The following CIP2A variants were observed in gnomAD, a reference collection of about 807,000 sequenced individuals.
CIP2A encodes the protein cellular inhibitor of PP2A, also known as protein CIP2A.
CIP2A carries 103 observed loss-of-function variants against 110.9 expected under a neutral mutation model. That is an observed-to-expected ratio of 0.93 (90% CI 0.79 to 1.09). The LOEUF is 1.09. Ranked by LOEUF, CIP2A falls within the 50% of genes least tolerant of loss-of-function variation. The pLI is 0.00. For missense variants in CIP2A, 1,088 were observed against 1,038.4 expected (o/e 1.05, Z -0.66); for synonymous variants, 381 against 361.6 (o/e 1.05, Z -0.61).
chr3:108,557,804 C>T (rs1004009700), intron 16 of CIP2A, among the ~76,000 whole-genome samples: 10 of 152,086 alleles, frequency 6.6e-5, no homozygotes, highest in Non-Finnish European at 1.0e-4. Flanking sequence ...AAAATCTTAA[C>T]GACATCACAG....
chr3:108,575,938 GTATA>G (rs1293345204), intron 8 of CIP2A, among the ~76,000 whole-genome samples: 1 of 147,936 alleles, frequency 6.8e-6, no homozygotes, highest in Non-Finnish European at 1.5e-5. Flanking sequence ...ATACATATAC[GTATA>G]TATACATATA....
chr3:108,589,173 G>C, intron 1 of CIP2A, 101 bp downstream of exon 1: 1 of 817,400 alleles, frequency 1.2e-6, no homozygotes, highest in Non-Finnish European at 2.0e-6. Flanking sequence ...TCGAAGGACT[G>C]TCCTTTCTTT....
chr3:108,566,548 T>C lies in CIP2A; in HGVS notation c.1364A>G (p.Tyr455Cys). 6.2e-7 allele frequency: 1 copy of C among 1,608,346 alleles called. No individual in the cohort carries two copies. Among genetic ancestry groups the C allele is most frequent in the Non-Finnish European group, 8.5e-7 (1 of 1,176,966 alleles). The change falls in exon 11 of 21, where the codon TAT (tyrosine) becomes TGT (cysteine). Residue 455 changes from tyrosine (Y) to cysteine (C), a missense_variant. By Grantham distance (194) the Tyr-to-Cys change is radical. Transcript: ENST00000295746. ...TCCAAATCCCAGGTCAATCTTGCCA[T>C]ATGTAAATTGTTGTTCTATAAGAGT... is the stretch of plus-strand genomic sequence containing the variant. ...CTTLIEQQFT[Y>C]GKIDLGFGTK... is the part of the protein sequence containing the mutation.
chr3:108,569,552 G>C lies in CIP2A; in HGVS notation c.950C>G (p.Thr317Ser). 6.2e-7 allele frequency: 1 copy of C among 1,612,780 alleles called. No homozygotes were observed. Among genetic ancestry groups the C allele is most frequent in the Non-Finnish European group, 8.5e-7 (1 of 1,179,278 alleles). ...TGGAGACTGTTCAAACATCATCTGA[G>C]TGAGCATATGGCGCAGCTGAGTCAC... Reference protein sequence around the residue: ...CSVTQLRHMLTQMMFEQSPPG... With the variant: ...CSVTQLRHMLSQMMFEQSPPG... The change falls in exon 9 of 21, where the codon ACT (threonine) becomes AGT (serine). Residue 317 changes from threonine to serine, a missense_variant. Thr to Ser is a moderately conservative substitution (Grantham distance 58). Transcript: ENST00000295746.
intron 16 of CIP2A, 111 bp downstream of exon 16, chr3:108,559,646 A>G (rs1937930047): frequency 1.9e-6 from 1 of 526,784 alleles, no homozygotes; most frequent in African/African-American, 2.0e-5. Context: ...AGGCATGTCA[A>G]ATGCTAAGGA....
chr3:108,569,306 G>T, intron 9 of CIP2A, 83 bp downstream of exon 9: 1 of 1,021,416 alleles, frequency 9.8e-7, no homozygotes, highest in Non-Finnish European at 1.5e-6. Context: ...TGAACTGTAA[G>T]TTTACAAAGA....
intron 1 of CIP2A, among the ~76,000 whole-genome samples, chr3:108,586,047 T>C (rs1025038287): frequency 1.3e-5 from 2 of 152,190 alleles, no homozygotes; most frequent in African/African-American, 2.4e-5. Flanking sequence ...TCTACAAAGA[T>C]GGCAAAACCA....
chr3:108,583,210 CT>C, intron 2 of CIP2A, 127 bp from the exon 3 acceptor site: 1 of 452,180 alleles, frequency 2.2e-6, no homozygotes, highest in Non-Finnish European at 3.9e-6. Context: ...TTCTTATTTT[CT>C]TTATGATAAC....
intron 2 of CIP2A, among the ~76,000 whole-genome samples, chr3:108,584,056 G>A (rs900971910): frequency 2.6e-5 from 4 of 152,016 alleles, no homozygotes; most frequent in African/African-American, 4.8e-5. Flanking sequence ...ATTTAGTAAC[G>A]GTTATCAAAT....
chr3:108,565,456 T>C lies in CIP2A; in HGVS notation c.1416-2A>G. The C allele has an allele frequency of 1.3e-6, 2 of 1,542,532 alleles. No individual in the cohort carries two copies. Among genetic ancestry groups the C allele is most frequent in the Non-Finnish European group, 1.8e-6 (2 of 1,126,866 alleles). On this transcript the variant is annotated splice_acceptor_variant, in intron 11 of 20. Coordinates refer to ENST00000295746, the MANE Select transcript of CIP2A (RefSeq NM_020890.3). LOFTEE classifies it high-confidence loss of function. ...AAAATTACATCAGCAGCAAGTTTGC[T>C]TTAAAGATAAATCACATTTAAATTA... is the stretch of plus-strand genomic sequence containing the variant.
chr3:108,550,166 GTAGT>G lies in CIP2A; in HGVS notation c.*979_*982del, dbSNP rs370810896. On this transcript the variant is annotated 3_prime_UTR_variant, in exon 21 of 21. Transcript: ENST00000295746. ...TTGATGTAAAAACGTTTCTTACAGA[GTAGT>G]TAGAGGATATGATTCAAATGAAAAG... 14 of 151,760 alleles carry G rather than the reference GTAGT, an allele frequency of 9.2e-5. No individual in the cohort carries two copies. The East Asian group carries it at 1.4e-3, about 15-fold the overall frequency. The allele number at this position is 151,760 out of a possible 1,614,324, so 9.4% of individuals were successfully genotyped here. A position where few individuals can be genotyped will look rare whatever the true frequency, so the allele number is the denominator to read the frequency against.
intron 8 of CIP2A, among the ~76,000 whole-genome samples, chr3:108,570,211 T>C (rs1485883232): frequency 2.0e-5 from 3 of 151,428 alleles, no homozygotes; most frequent in Non-Finnish European, 4.4e-5. Flanking sequence ...TACTACCAAC[T>C]TATCACTAAA....
chr3:108,555,738 G>A lies in CIP2A; in HGVS notation c.2211-1249C>T, dbSNP rs553066872. ...CAACTGCAAATCGAAAAATCTTTGG[G>A]TCTACCCATGACCTGTAAGCCCCTG... On this transcript the variant is annotated intron_variant, in intron 17 of 20. Coordinates refer to ENST00000295746, the MANE Select transcript of CIP2A (RefSeq NM_020890.3). Among the ~76,000 whole-genome samples, 19 of 152,258 alleles carry A rather than the reference G, an allele frequency of 1.2e-4. 1 individual carries two copies. In the South Asian group the frequency reaches 2.9e-3, roughly 23 times the overall value.
intron 5 of CIP2A, among the ~76,000 whole-genome samples, chr3:108,580,671 C>T (rs1214303754): frequency 2.6e-5 from 4 of 151,798 alleles, no homozygotes; most frequent in Non-Finnish European, 5.9e-5. Flanking sequence ...ACTCTGTTGC[C>T]AGGCTGGAGG....
chr3:108,560,431 C>T (rs1455807203), intron 14 of CIP2A, among the ~76,000 whole-genome samples: 1 of 152,114 alleles, frequency 6.6e-6, no homozygotes, highest in Non-Finnish European at 1.5e-5. Flanking sequence ...CCTTGGCCTC[C>T]CAAAATGCTG....
At chr3:108,581,322 A>C (rs1938869110) in intron 5 of CIP2A, 93 bp downstream of exon 5, 2 of 871,316 alleles carry the variant, frequency 2.3e-6, no homozygotes, top group Admixed American at 2.6e-5. Context: ...ATCCTTGTTC[A>C]AATTTGTTTT....
At position 108,586,507 on chromosome 3, in the gene CIP2A, T is replaced by C. The variant is rs144560335; in HGVS notation, c.103-1295A>G. Among the ~76,000 whole-genome samples the C allele has an allele frequency of 7.9e-5, 12 of 152,320 alleles. No individual in the cohort carries two copies. In the East Asian group the frequency reaches 2.3e-3, roughly 29 times the overall value. ...GGTAAAATAAAAATTGCTTTACAAG[T>C]TTTCCCTTTACTTATACTGAATCTC... On this transcript the variant is annotated intron_variant, in intron 1 of 20. Coordinates refer to ENST00000295746, the MANE Select transcript of CIP2A (RefSeq NM_020890.3).
At chr3:108,553,261 G>A (rs1937641231) in intron 19 of CIP2A, among the ~76,000 whole-genome samples, 1 of 150,392 alleles carries the variant, frequency 6.6e-6, no homozygotes, top group Non-Finnish European at 1.5e-5. Flanking sequence ...TGAGTAGCTG[G>A]AACTACAGGT....
chr3:108,569,181 T>TATATATATATATATATAC lies in CIP2A; in HGVS notation c.1113+207_1113+208insGTATATATATATATATAT. The stretch of plus-strand genomic sequence containing the variant: ...CTGAAATGAGCACTATATATATATA[T>TATATATATATATATATAC]ACATACACACTACTCAGTGAAAAAA... On this transcript the variant is annotated intron_variant, in intron 9 of 20. Transcript: ENST00000295746. Among the ~76,000 whole-genome samples, 15 of 58,246 alleles carry TATATATATATATATATAC rather than the reference T, an allele frequency of 2.6e-4. 1 individual carries two copies. The highest frequency in any genetic ancestry group is 4.6e-4 in the African/African-American group (10 of 21,718). 38.2% of individuals were successfully genotyped at this position (58,246 alleles called of 152,430 possible). A position where few individuals can be genotyped will look rare whatever the true frequency, so the allele number is the denominator to read the frequency against.
Sources: allele counts gnomAD v4.1 joint callset (sites outside exome capture counted in the v4.1 genomes callset), GRCh38; gene constraint gnomAD v4.1.1; transcripts MANE v1.5; gene names NCBI Gene and HGNC (gene_info 2026-07-23, HGNC 2026-07-21).